The following PCDHA8 variants were observed in gnomAD, a reference collection of about 807,000 sequenced individuals.
PCDHA8 encodes protocadherin alpha-8.
Under a neutral mutation model 61.8 loss-of-function variants are expected in PCDHA8, and 53 were observed. The observed-to-expected ratio is 0.86, with a 90% confidence interval of 0.69 to 1.08. PCDHA8 has a LOEUF of 1.08. PCDHA8 is among the 50% of genes least tolerant of loss of function. The pLI, the probability that PCDHA8 is intolerant of heterozygous loss-of-function variation, is 0.00. For synonymous variants in PCDHA8, 618 were observed against 556.6 expected (o/e 1.11, Z -1.55); for missense variants, 1,293 against 1,245.0 (o/e 1.04, Z -0.58).
At chr5:140,975,553 G>T (rs990389718) in intron 1 of PCDHA8, among the ~76,000 whole-genome samples, 2 of 152,226 alleles carry the variant, frequency 1.3e-5, no homozygotes, top group Non-Finnish European at 2.9e-5. Context: ...TATTAGGAAG[G>T]AAAAGGAGAT....
At position 140,851,650 on chromosome 5, in the gene PCDHA8, G is replaced by C. The variant is rs1324719591; in HGVS notation, c.2394+7935G>C. The C allele has an allele frequency of 4.4e-6, 4 of 912,450 alleles. No homozygotes were observed. The African/African-American group carries it at 7.2e-5, about 16-fold the overall frequency. 56.5% of individuals were successfully genotyped at this position (912,450 alleles called of 1,614,324 possible). ...AACAAGTGTTTCCTTTCTTCAAGAA[G>C]ACATTCTCCTTTTAATTGAAATTTT... On this transcript the variant is annotated intron_variant, in intron 1 of 3. Transcript: ENST00000531613.
intron 1 of PCDHA8, chr5:140,869,581 G>A: frequency 1.9e-6 from 3 of 1,614,134 alleles, no homozygotes; most frequent in East Asian, 2.2e-5. Flanking sequence ...AGCTTCTGAT[G>A]CTGACATTGA....
chr5:140,855,629 G>A (rs914411692), intron 1 of PCDHA8, among the ~76,000 whole-genome samples: 2 of 149,486 alleles, frequency 1.3e-5, no homozygotes, highest in Non-Finnish European at 3.0e-5. Flanking sequence ...TTTGAAATTC[G>A]GCTATTGATA....
intron 1 of PCDHA8, chr5:140,927,723 A>G: frequency 6.2e-7 from 1 of 1,614,220 alleles, no homozygotes; most frequent in Non-Finnish European, 8.5e-7. Context: ...ACAGCACGCA[A>G]GCAGAGCTGC....
chr5:140,998,965 G>C (rs1320225650), intron 3 of PCDHA8, among the ~76,000 whole-genome samples: 1 of 152,232 alleles, frequency 6.6e-6, no homozygotes, highest in Non-Finnish European at 1.5e-5. Context: ...TAATCAAATA[G>C]TATCCTAGAA....
chr5:140,853,745 C>G lies in PCDHA8; in HGVS notation c.2394+10030C>G. ...TAAGTCCTCATTGAATGTTCTGGTT[C>G]AAGGCTCCACCTCAGAAATTCTGAA... On this transcript the variant is annotated intron_variant, in intron 1 of 3. Transcript: ENST00000531613. 3.0e-6 allele frequency: 3 copies of G among 988,528 alleles called. 1 individual carries two copies. Among genetic ancestry groups the G allele is most frequent in the Non-Finnish European group, 3.7e-6 (3 of 820,460 alleles). The allele number at this position is 988,528 out of a possible 1,614,324, so 61.2% of individuals were successfully genotyped here. A position where few individuals can be genotyped will look rare whatever the true frequency, so the allele number is the denominator to read the frequency against.
chr5:140,850,556 G>A (rs1554144496), intron 1 of PCDHA8: 1 of 1,598,290 alleles, frequency 6.3e-7, no homozygotes. Flanking sequence ...TGGGTGCCAC[G>A]GGCCCCGAGG....
intron 3 of PCDHA8, among the ~76,000 whole-genome samples, chr5:140,985,834 G>T (rs550087572): frequency 1.3e-5 from 2 of 150,860 alleles, no homozygotes; most frequent in South Asian, 4.2e-4. Flanking sequence ...CTGCCTCCCG[G>T]GTTCATGCCA....
chr5:140,948,542 C>A (rs141026678), intron 1 of PCDHA8, among the ~76,000 whole-genome samples: 66 of 151,648 alleles, frequency 4.4e-4, no homozygotes, highest in African/African-American at 1.5e-3. Flanking sequence ...ATTTCATGCT[C>A]TGTCAATTTT....
chr5:140,884,386 G>T (rs372595984), intron 1 of PCDHA8: 2 of 1,613,986 alleles, frequency 1.2e-6, no homozygotes, highest in African/African-American at 2.7e-5. Flanking sequence ...CCATCTGCGC[G>T]GTGTCCAGCC....
At chr5:140,982,240 A>G (rs1257297614) in intron 2 of PCDHA8, 14 of 694,558 alleles carry the variant, frequency 2.0e-5, no homozygotes, top group Admixed American at 3.6e-5. Flanking sequence ...CAGAATTGCC[A>G]TAAAGATAGA....
chr5:140,888,047 G>C (rs1246901863), intron 1 of PCDHA8, among the ~76,000 whole-genome samples: 12 of 152,092 alleles, frequency 7.9e-5, no homozygotes, highest in African/African-American at 2.9e-4. Flanking sequence ...ATGTATAATA[G>C]ATGTTTTAAC....
At chr5:140,927,366 A>C in intron 1 of PCDHA8, 1 of 1,614,088 alleles carries the variant, frequency 6.2e-7, no homozygotes, top group Non-Finnish European at 8.5e-7. Context: ...GCAATGGGAT[A>C]CTAAGCTACA....
chr5:141,000,415 ATATATATTTTTTT>A (rs1176788591), intron 3 of PCDHA8, among the ~76,000 whole-genome samples: 1 of 87,398 alleles, frequency 1.1e-5, no homozygotes, highest in Non-Finnish European at 2.1e-5. Flanking sequence ...ATATATATAT[ATATATATTTTTTT>A]TTTTTTTTTT....
At position 140,844,439 on chromosome 5, in the gene PCDHA8, C is replaced by T. The variant is rs1554140649; in HGVS notation, c.2394+724C>T. Among the ~76,000 whole-genome samples, 3 of 149,204 alleles carry T rather than the reference C, an allele frequency of 2.0e-5. 1 individual carries two copies. Among genetic ancestry groups the T allele is most frequent in the African/African-American group, 7.4e-5 (3 of 40,780 alleles). ...TGTTTTTTATTCTACATGATTTTTA[C>T]AGTTGTATTGTCGCCAACTTAACAT... On this transcript the variant is annotated intron_variant, in intron 1 of 3. Coordinates refer to ENST00000531613, the MANE Select transcript of PCDHA8 (RefSeq NM_018911.3).
intron 1 of PCDHA8, among the ~76,000 whole-genome samples, chr5:140,906,473 A>G (rs2072671241): frequency 6.6e-6 from 1 of 152,214 alleles, no homozygotes. Flanking sequence ...TCTTAGTACA[A>G]ATGTATAAAT....
At chr5:140,941,239 C>CTTTCTTTCTTTCT in intron 1 of PCDHA8, among the ~76,000 whole-genome samples, 1 of 134,600 alleles carries the variant, frequency 7.4e-6, no homozygotes, top group South Asian at 2.4e-4. Flanking sequence ...TTCTTTCTTT[C>CTTTCTTTCTTTCT]TTTCTTTCTT....
chr5:140,982,648 G>T, intron 3 of PCDHA8, 85 bp downstream of exon 3: 5 of 1,508,154 alleles, frequency 3.3e-6, no homozygotes, highest in Non-Finnish European at 4.4e-6. Flanking sequence ...GAATGTTGAT[G>T]GCTCTTTTTC....
intron 1 of PCDHA8, among the ~76,000 whole-genome samples, chr5:140,972,883 C>T (rs1020544230): frequency 1.1e-4 from 16 of 151,884 alleles, no homozygotes; most frequent in African/African-American, 1.7e-4. Context: ...AGGATGGTCT[C>T]GATCTCTTGA....
Sources: gnomAD v4.1 joint callset for allele counts (sites outside exome capture counted in the v4.1 genomes callset) on GRCh38, gnomAD v4.1.1 for gene constraint, MANE v1.5 for transcripts, NCBI Gene and HGNC (gene_info 2026-07-23, HGNC 2026-07-21) for gene names.